Variants in VPS41 observed in about 807,000 individuals in gnomAD.
The protein encoded by VPS41 is VPS41 subunit of HOPS complex.
A neutral mutation model predicts 130.9 loss-of-function variants in VPS41; 85 were observed. The observed-to-expected ratio is 0.65, with a 90% CI of 0.55 to 0.78. VPS41 has a LOEUF of 0.78. VPS41 is among the 30% of genes least tolerant of loss of function. The pLI is 0.00. For missense variants in VPS41, 874 were observed against 1,018.7 expected, an observed-to-expected ratio of 0.86 and a Z score of 1.93; for synonymous variants, 335 against 332.9, an observed-to-expected ratio of 1.01 and a Z score of -0.07.
At chr7:38,845,291 T>C (rs1785700216) in intron 4 of VPS41, among the ~76,000 whole-genome samples, 1 of 152,328 alleles carries the variant, frequency 6.6e-6, no homozygotes, top group African/African-American at 2.4e-5. Flanking sequence ...GTACAAATCA[T>C]CTCTTTTATT....
At chr7:38,790,452 AATTCTACAT>A in intron 9 of VPS41, among the ~76,000 whole-genome samples, 1 of 152,176 alleles carries the variant, frequency 6.6e-6, no homozygotes, top group African/African-American at 2.4e-5. Flanking sequence ...TGCATCCATG[AATTCTACAT>A]TCATGGATTT....
At chr7:38,885,453 C>T (rs1321248341) in intron 2 of VPS41, among the ~76,000 whole-genome samples, 1 of 152,214 alleles carries the variant, frequency 6.6e-6, no homozygotes, top group African/African-American at 2.4e-5. Flanking sequence ...AAAATGATCA[C>T]ATTTCTGTAT....
intron 2 of VPS41, among the ~76,000 whole-genome samples, chr7:38,874,441 A>G (rs1786444967): frequency 6.6e-6 from 1 of 152,164 alleles, no homozygotes; most frequent in East Asian, 1.9e-4. Context: ...CCACCAGTGG[A>G]GCACTCCTCA....
At chr7:38,746,907 G>A (rs1795995470) in intron 22 of VPS41, among the ~76,000 whole-genome samples, 1 of 152,092 alleles carries the variant, frequency 6.6e-6, no homozygotes, top group South Asian at 2.1e-4. Context: ...GTCACCCAAG[G>A]TGGACGAACA....
intron 2 of VPS41, among the ~76,000 whole-genome samples, chr7:38,894,232 A>C (rs1786929970): frequency 6.6e-6 from 1 of 152,202 alleles, no homozygotes. Context: ...GTGTCTCAAA[A>C]TATCGCTCCT....
In VPS41 at chr7:38,882,776, T is replaced by C. The variant is rs541524588; in HGVS notation, c.61-13523A>G. Among the ~76,000 whole-genome samples, 6 of 152,274 alleles carry C rather than the reference T, an allele frequency of 3.9e-5. No individual in the cohort carries two copies. In the East Asian group the frequency reaches 1.2e-3, roughly 29 times the overall value. The stretch of plus-strand genomic sequence containing the variant: ...GTCAGGAAATCTGTTGGCTATACTT[T>C]AAAAAACAAAAAGCAACTACAGCCT... On this transcript the variant is annotated intron_variant, in intron 2 of 28. Transcript: ENST00000310301.
At chr7:38,883,566 TTTAAG>T (rs758398599) in intron 2 of VPS41, among the ~76,000 whole-genome samples, 1 of 152,308 alleles carries the variant, frequency 6.6e-6, no homozygotes, top group Non-Finnish European at 1.5e-5. Flanking sequence ...TTATTATATA[TTTAAG>T]TTTTTTTGTT....
Position 38,748,912 on chromosome 7 carries a change from T to C in VPS41, c.1926+3264A>G, listed in dbSNP as rs959353639. 3.9e-5 allele frequency among the ~76,000 whole-genome samples: 6 copies of C among 151,962 alleles called. No homozygotes were observed. In the South Asian group the frequency reaches 1.3e-3, roughly 32 times the overall value. On this transcript the variant is annotated intron_variant, in intron 22 of 28. Transcript: ENST00000310301. Reference sequence around the variant, plus strand: ...GCTCCCTAAGACTTGGCTTGTCATGTATAAAACGACTCTATCCACCTAACT... The same window carrying C: ...GCTCCCTAAGACTTGGCTTGTCATGCATAAAACGACTCTATCCACCTAACT...
intron 4 of VPS41, among the ~76,000 whole-genome samples, chr7:38,839,121 T>A (rs1273724302): frequency 1.3e-5 from 2 of 152,246 alleles, no homozygotes; most frequent in African/African-American, 4.8e-5. Flanking sequence ...AATCTCAACA[T>A]CCACATGGTT....
intron 4 of VPS41, among the ~76,000 whole-genome samples, chr7:38,857,085 G>T (rs1786003736): frequency 6.6e-6 from 1 of 152,150 alleles, no homozygotes; most frequent in Non-Finnish European, 1.5e-5. Context: ...ATCAGCACAT[G>T]AACACGAAAG....
rs2116102053 is a variant in VPS41 at position 38,817,799 on chromosome 7, G to C, written c.450+18C>G. 1 of 1,606,602 alleles carries C rather than the reference G, an allele frequency of 6.2e-7. No homozygotes were observed. Among genetic ancestry groups the C allele is most frequent in the Non-Finnish European group, 8.5e-7 (1 of 1,173,110 alleles). Reference sequence around the variant, plus strand: ...CCCCTCAAGGCTACATATCAAGGTAGAGACACACAGCACTTACCTTCTTCC... The same window carrying C: ...CCCCTCAAGGCTACATATCAAGGTACAGACACACAGCACTTACCTTCTTCC... On this transcript the variant is annotated intron_variant, in intron 7 of 28. Coordinates refer to ENST00000310301, the MANE Select transcript of VPS41 (RefSeq NM_014396.4).
At chr7:38,901,000 A>G (rs1419370079) in intron 1 of VPS41, among the ~76,000 whole-genome samples, 2 of 152,266 alleles carry the variant, frequency 1.3e-5, no homozygotes. Flanking sequence ...GAGAAAGGTA[A>G]CAATTTGAGA....
At chr7:38,830,405 A>C in intron 4 of VPS41, 77 bp from the exon 5 acceptor site, 1 of 891,252 alleles carries the variant, frequency 1.1e-6, no homozygotes, top group Non-Finnish European at 1.9e-6. Context: ...TGCTCTTTGT[A>C]AAATAGTAAG....
intron 7 of VPS41, among the ~76,000 whole-genome samples, chr7:38,815,662 A>G (rs1463121748): frequency 6.6e-6 from 1 of 152,152 alleles, no homozygotes; most frequent in East Asian, 1.9e-4. Context: ...CTCAATCTGC[A>G]TGGGCACAAT....
chr7:38,849,366 A>G, intron 4 of VPS41, among the ~76,000 whole-genome samples: 1 of 152,182 alleles, frequency 6.6e-6, no homozygotes. Flanking sequence ...AGTCAGCTCA[A>G]TCAGACCCCC....
Position 38,763,564 on chromosome 7 carries a change from G to T in VPS41, c.1330-17C>A. On this transcript the variant is annotated splice_polypyrimidine_tract_variant and intron_variant, in intron 16 of 28. Coordinates refer to ENST00000310301, the MANE Select transcript of VPS41 (RefSeq NM_014396.4). ...ACTAATAGCCTAGGTAAGGAAAAGG[G>T]AAAAAAAAGTCCATTAAAATATGAA... is the stretch of plus-strand genomic sequence containing the variant. The T allele has an allele frequency of 1.3e-6, 2 of 1,525,014 alleles. No individual in the cohort carries two copies. The highest frequency in any genetic ancestry group is 1.8e-6 in the Non-Finnish European group (2 of 1,128,192). 94.5% of individuals were successfully genotyped at this position (1,525,014 alleles called of 1,614,324 possible).
At chr7:38,755,084 T>C in intron 19 of VPS41, 148 bp from the exon 20 acceptor site, 1 of 659,930 alleles carries the variant, frequency 1.5e-6, no homozygotes, top group South Asian at 2.0e-5. Context: ...ATGGCTCTTA[T>C]GGAAAATGAC....
At chr7:38,818,982 C>T (rs1033329247) in intron 6 of VPS41, among the ~76,000 whole-genome samples, 2 of 152,222 alleles carry the variant, frequency 1.3e-5, no homozygotes, top group African/African-American at 4.8e-5. Context: ...CCCTTCAACA[C>T]TTTCCTAATC....
chr7:38,823,426 A>T (rs1234175701), intron 5 of VPS41, among the ~76,000 whole-genome samples: 1 of 152,234 alleles, frequency 6.6e-6, no homozygotes, highest in African/African-American at 2.4e-5. Flanking sequence ...TGTTATTTAT[A>T]AACTACCCAG....
Sources: gnomAD v4.1 joint callset for allele counts (sites outside exome capture counted in the v4.1 genomes callset) on GRCh38, gnomAD v4.1.1 for gene constraint, MANE v1.5 for transcripts, NCBI Gene and HGNC (gene_info 2026-07-23, HGNC 2026-07-21) for gene names.